Variants in HPN observed in about 807,000 individuals in gnomAD.
HPN encodes serine protease hepsin.
Under a neutral mutation model 55.9 loss-of-function variants are expected in HPN, and 13 were observed. That is an observed-to-expected ratio of 0.23 (90% confidence interval 0.15 to 0.37). The LOEUF (loss-of-function observed/expected upper bound fraction) is 0.37. Among genes scored for constraint, HPN ranks in the 10% least tolerant of loss-of-function variants. HPN has a pLI of 1.00. For synonymous variants in HPN, 225 were observed against 240.3 expected (o/e 0.94, Z 0.59); for missense variants, 451 against 575.8 (o/e 0.78, Z 2.22).
chr19:35,055,052 G>T (rs2064441461), intron 4 of HPN, among the ~76,000 whole-genome samples: 1 of 152,154 alleles, frequency 6.6e-6, no homozygotes, highest in Admixed American at 6.5e-5. Flanking sequence ...GCTCACACCT[G>T]CCATCCCAGC....
intron 4 of HPN, among the ~76,000 whole-genome samples, chr19:35,056,521 CA>C (rs1179167817): frequency 1.3e-5 from 2 of 152,200 alleles, no homozygotes; most frequent in African/African-American, 4.8e-5. Context: ...TGAGGGGTTT[CA>C]GGGGACATCT....
chr19:35,044,108 C>T (rs543912174), intron 2 of HPN, among the ~76,000 whole-genome samples: 11 of 152,188 alleles, frequency 7.2e-5, no homozygotes, highest in Non-Finnish European at 1.6e-4. Context: ...ATGGCAATGG[C>T]GCCTTCCTCG....
chr19:35,057,292 G>A (rs1024737615), intron 4 of HPN, among the ~76,000 whole-genome samples: 11 of 152,066 alleles, frequency 7.2e-5, no homozygotes, highest in African/African-American at 2.7e-4. Flanking sequence ...CAAGTGTGGT[G>A]GCATGTGTCT....
chr19:35,065,299 T>A lies in HPN; in HGVS notation c.861T>A (p.Asp287Glu). 6.2e-7 allele frequency: 1 copy of A among 1,614,036 alleles called. No homozygotes were observed. Among genetic ancestry groups the A allele is most frequent in the Non-Finnish European group, 8.5e-7 (1 of 1,179,950 alleles). Residue 287 changes from aspartate to glutamate, a missense_variant, in exon 10 of 13, where the codon GAT becomes GAA. By Grantham distance (45) the Asp-to-Glu change is conservative. Around this residue, in one of 2 missense-constraint regions of HPN, gnomAD observed 378 missense variants for 445.5 expected, o/e 0.85. Transcript: ENST00000672452. The stretch of plus-strand genomic sequence containing the variant: ...CAGCTGCCGGCCAGGCCCTGGTGGA[T>A]GGCAAGATCTGTACCGTGACGGGCT... ...CLPAAGQALV[D>E]GKICTVTGWG...
intron 4 of HPN, chr19:35,059,136 T>A (rs1408715825): frequency 1.1e-5 from 2 of 182,856 alleles, no homozygotes; most frequent in African/African-American, 4.8e-5. Context: ...GCCTCAAGGC[T>A]GCTGTTGATT....
At position 35,042,609 on chromosome 19, in the gene HPN, C is replaced by A. The variant is rs573471397; in HGVS notation, c.16+87C>A. 8 of 1,152,586 alleles carry A rather than the reference C, an allele frequency of 6.9e-6. No individual in the cohort carries two copies. The East Asian group carries it at 1.3e-4, about 19-fold the overall frequency. 71.4% of individuals were successfully genotyped at this position (1,152,586 alleles called of 1,614,324 possible). A position where few individuals can be genotyped will look rare whatever the true frequency, so the allele number is the denominator to read the frequency against. ...TTTCTCTACCCTCTACTCTTCGGAG[C>A]CCCCTCTCTCTGGGCACCCCTCCCA... On this transcript the variant is annotated intron_variant, in intron 2 of 12. Transcript: ENST00000672452.
chr19:35,060,210 G>A (rs754056864), intron 7 of HPN, 41 bp downstream of exon 7: 2 of 1,612,542 alleles, frequency 1.2e-6, no homozygotes, highest in East Asian at 2.2e-5. Context: ...TTAGGCCCTT[G>A]GGGAGGCCAC....
chr19:35,042,162 T>C (rs1014398054), intron 1 of HPN: 5 of 1,180,656 alleles, frequency 4.2e-6, no homozygotes, highest in South Asian at 2.0e-5. Flanking sequence ...CCAAGACTTA[T>C]GATTTCAGGT....
At chr19:35,041,710 C>T, upstream of HPN, 1 of 1,165,920 alleles carries the variant, frequency 8.6e-7, no homozygotes, top group Non-Finnish European at 1.1e-6. Context: ...CGCCCAGCCC[C>T]CTCCTCCTCA....
intron 4 of HPN, among the ~76,000 whole-genome samples, chr19:35,049,864 T>G (rs1568357268): frequency 9.4e-5 from 14 of 149,096 alleles, no homozygotes; most frequent in Non-Finnish European, 1.5e-5. Context: ...TTTGTTTGTT[T>G]TTTTTTTTTT....
chr19:35,060,519 GC>G lies in HPN; in HGVS notation c.620+13del. ...CCGCCCACTGCTTCCCGGAGTGAGTGCCCCCCAATGGCGCTGATGATGGGGA... is the reference window on the plus strand; with the variant it reads ...CCGCCCACTGCTTCCCGGAGTGAGTGCCCCCAATGGCGCTGATGATGGGGA... On this transcript the variant is annotated splice_region_variant and intron_variant, in intron 8 of 12. Transcript: ENST00000672452. The G allele has an allele frequency of 1.2e-6, 2 of 1,612,268 alleles. No individual in the cohort carries two copies.
intron 4 of HPN, among the ~76,000 whole-genome samples, chr19:35,052,626 T>C (rs772396778): frequency 1.4e-4 from 21 of 152,026 alleles, no homozygotes; most frequent in Non-Finnish European, 2.8e-4. Flanking sequence ...TGAAATTCTT[T>C]CTTGAAATTT....
At chr19:35,064,963 A>C (rs1196356955) in intron 9 of HPN, among the ~76,000 whole-genome samples, 3 of 152,140 alleles carry the variant, frequency 2.0e-5, no homozygotes, top group Non-Finnish European at 4.4e-5. Context: ...CTGGGATTAC[A>C]GGTGCGTGCC....
chr19:35,045,825 T>A (rs141402563), intron 2 of HPN, among the ~76,000 whole-genome samples: 1 of 152,174 alleles, frequency 6.6e-6, no homozygotes, highest in African/African-American at 2.4e-5. Context: ...AGGATGCCTC[T>A]CATACTGGGG....
intron 7 of HPN, 66 bp downstream of exon 7, chr19:35,060,235 C>A (rs759118778): frequency 6.2e-7 from 1 of 1,609,116 alleles, no homozygotes; most frequent in African/African-American, 1.3e-5. Flanking sequence ...CCTCAAGCTC[C>A]CCAGGATGGG....
chr19:35,040,731 T>G (rs2064284689), upstream of HPN, among the ~76,000 whole-genome samples: 1 of 150,918 alleles, frequency 6.6e-6, no homozygotes, highest in Admixed American at 6.6e-5. Flanking sequence ...TCTGGAGAGG[T>G]GGGCGCTGGG....
rs1397239403 is a variant in HPN at position 35,065,848 on chromosome 19, A to T, written c.1051-20A>T. 1 of 1,612,400 alleles carries T rather than the reference A, an allele frequency of 6.2e-7. No homozygotes were observed. Among genetic ancestry groups the T allele is most frequent in the South Asian group, 1.1e-5 (1 of 90,974 alleles). ...TCCAACCACTTTGGCCTTCAGCCAG[A>T]CCTCCCTCTCCCCTCCCAGGGCGAC... On this transcript the variant is annotated intron_variant, in intron 11 of 12. Coordinates refer to ENST00000672452, the MANE Select transcript of HPN (RefSeq NM_001384133.1).
rs35476966 is a variant in HPN, at chr19:35,046,247, A to ATTT, written c.17-3030_17-3028dup. Among the ~76,000 whole-genome samples, 123 of 144,242 alleles carry ATTT rather than the reference A, an allele frequency of 8.5e-4. 1 individual carries two copies. Among genetic ancestry groups the ATTT allele is most frequent in the Admixed American group, 9.6e-4 (14 of 14,518 alleles). The allele number at this position is 144,242 out of a possible 152,430, so 94.6% of individuals were successfully genotyped here. A position where few individuals can be genotyped will look rare whatever the true frequency, so the allele number is the denominator to read the frequency against. ...CTTGATGGGAGCCACTGAGCTTTCAATTTTTTTTTTTTTTTAATACAGAGT... is the reference window on the plus strand; with the variant it reads ...CTTGATGGGAGCCACTGAGCTTTCAATTTTTTTTTTTTTTTTTTAATACAGAGT... On this transcript the variant is annotated intron_variant, in intron 2 of 12. Coordinates refer to ENST00000672452, the MANE Select transcript of HPN (RefSeq NM_001384133.1).
intron 2 of HPN, among the ~76,000 whole-genome samples, chr19:35,047,776 T>C (rs1477255808): frequency 6.6e-6 from 1 of 151,794 alleles, no homozygotes; most frequent in Non-Finnish European, 1.5e-5. Flanking sequence ...GACAAGCAGA[T>C]AACTTGAGTC....
Sources: gnomAD v4.1 joint callset for allele counts (sites outside exome capture counted in the v4.1 genomes callset) on GRCh38, gnomAD v4.1.1 for gene constraint, gnomAD v4.1.1 regional missense constraint, MANE v1.5 for transcripts, NCBI Gene and HGNC (gene_info 2026-07-23, HGNC 2026-07-21) for gene names.